KATNAL2: variants seen among roughly 807,000 people sequenced by gnomAD.
KATNAL2 encodes katanin p60 ATPase-containing subunit A-like 2.
Under a neutral mutation model 76.3 loss-of-function variants are expected in KATNAL2, and 52 were observed. The ratio of observed to expected loss-of-function variants is 0.68; its 90% CI spans 0.55 to 0.86. The LOEUF is 0.86. Among genes scored for constraint, KATNAL2 ranks in the 40% least tolerant of loss-of-function variants. The probability of loss-of-function intolerance (pLI) is 0.00; values close to 1 mark genes in which losing one functional copy is unlikely to be tolerated. For missense variants in KATNAL2, 660 were observed against 668.9 expected (o/e 0.99, Z 0.15); for synonymous variants, 243 against 244.2 (o/e 1.00, Z 0.05).
At chr18:47,059,797 C>A (rs966966705) in intron 8 of KATNAL2, 143 bp downstream of exon 8, 6 of 617,646 alleles carry the variant, frequency 9.7e-6, no homozygotes, top group Non-Finnish European at 1.7e-5. Context: ...TGGAGAAGAG[C>A]GTCAGAAAAT....
intron 1 of KATNAL2, among the ~76,000 whole-genome samples, chr18:46,923,569 T>C (rs2058638675): frequency 6.6e-6 from 1 of 152,172 alleles, no homozygotes; most frequent in South Asian, 2.1e-4. Flanking sequence ...GCATGATTTA[T>C]AATCCTTTGG....
rs1437269430 is a variant in KATNAL2, at chr18:47,101,796, A to G, written c.*791A>G. On this transcript the variant is annotated 3_prime_UTR_variant, in exon 18 of 18. Coordinates refer to ENST00000683218, the MANE Select transcript of KATNAL2 (RefSeq NM_001387690.1). ...GATGGGGCACCTAAGCTTCGAGAAC[A>G]TTCATCCCAAGTCTTCCCTGCTCTT... 1.3e-5 allele frequency: 2 copies of G among 152,216 alleles called. No individual in the cohort carries two copies. Among genetic ancestry groups the G allele is most frequent in the Non-Finnish European group, 2.9e-5 (2 of 68,094 alleles). The allele number at this position is 152,216 out of a possible 1,614,324, so 9.4% of individuals were successfully genotyped here.
At chr18:47,031,012 T>G (rs2437855) in intron 3 of KATNAL2, among the ~76,000 whole-genome samples, 4 of 6,628 alleles carry the variant, frequency 6.0e-4, no homozygotes, top group South Asian at 0.024. Context: ...CTCTAGCATC[T>G]CCCCCCCCCC....
intron 6 of KATNAL2, 124 bp from the exon 7 acceptor site, chr18:47,058,111 T>C (rs1777967248): frequency 1.5e-5 from 11 of 712,566 alleles, no homozygotes; most frequent in Non-Finnish European, 2.7e-5. Flanking sequence ...AAGGGCCCTA[T>C]AGTTGCCACC....
chr18:46,961,892 G>A (rs2059978037), intron 3 of KATNAL2, among the ~76,000 whole-genome samples: 1 of 152,218 alleles, frequency 6.6e-6, no homozygotes, highest in Non-Finnish European at 1.5e-5. Flanking sequence ...TGATATGATT[G>A]AGAATGTAGA....
At chr18:47,058,011 G>C (rs1437934655) in intron 6 of KATNAL2, among the ~76,000 whole-genome samples, 1 of 152,190 alleles carries the variant, frequency 6.6e-6, no homozygotes, top group Admixed American at 6.5e-5. Context: ...TGAGTTGGGG[G>C]GCTCGAGGAG....
intron 3 of KATNAL2, among the ~76,000 whole-genome samples, chr18:46,966,313 G>A (rs2060134982): frequency 9.5e-6 from 1 of 105,308 alleles, no homozygotes; most frequent in African/African-American, 3.5e-5. Flanking sequence ...GGTTGATGCT[G>A]AATTCTATCT....
At chr18:47,088,795 A>G (rs2147347361) in intron 15 of KATNAL2, among the ~76,000 whole-genome samples, 1 of 152,338 alleles carries the variant, frequency 6.6e-6, no homozygotes, top group East Asian at 1.9e-4. Context: ...GGATTCTTGC[A>G]TGGGTCCCTC....
rs1164094250 is a variant in KATNAL2 at position 47,063,072 on chromosome 18, T to G, written c.648+2T>G. 6.2e-7 allele frequency: 1 copy of G among 1,612,540 alleles called. No individual in the cohort carries two copies. The highest frequency in any genetic ancestry group is 8.5e-7 in the Non-Finnish European group (1 of 1,178,618). ...TTCGACCATAATCCAGACCCCTCAG[T>G]AAGTGGCGAAGATGTGACATTCATC... On this transcript the variant is annotated splice_donor_variant, in intron 9 of 17. Transcript: ENST00000683218. LOFTEE classifies it high-confidence loss of function.
At chr18:47,078,373 A>G (rs1321756565) in intron 15 of KATNAL2, among the ~76,000 whole-genome samples, 1 of 152,188 alleles carries the variant, frequency 6.6e-6, no homozygotes, top group Non-Finnish European at 1.5e-5. Context: ...TGTTATTTTA[A>G]ATATACTCAT....
rs1472483563 is a variant in KATNAL2, at chr18:47,034,387, C to T, written c.52-12070C>T. 9.3e-6 allele frequency: 15 copies of T among 1,613,932 alleles called. No individual in the cohort carries two copies. Among genetic ancestry groups the T allele is most frequent in the African/African-American group, 4.0e-5 (3 of 74,952 alleles). On this transcript the variant is annotated intron_variant, in intron 3 of 17. Transcript: ENST00000683218. Reference sequence around the variant, plus strand: ...TGGAGCCTCCTCCAAGGCAGGGACACGCTGGCCGCTGCCAGCTTGCCCCCC... The same window carrying T: ...TGGAGCCTCCTCCAAGGCAGGGACATGCTGGCCGCTGCCAGCTTGCCCCCC...
rs540607552 is a variant in KATNAL2, at chr18:46,919,000, T to C, written c.-510+1074T>C. ...TGATATATATGTGTGTGCGTGTATA[T>C]ATATATATGTGTGTGTGTGTGTGTG... On this transcript the variant is annotated intron_variant, in intron 1 of 17. Coordinates refer to ENST00000683218, the MANE Select transcript of KATNAL2 (RefSeq NM_001387690.1). 8.2e-4 allele frequency among the ~76,000 whole-genome samples: 120 copies of C among 145,654 alleles called. 1 individual carries two copies. Among genetic ancestry groups the C allele is most frequent in the African/African-American group, 3.2e-3 (116 of 36,720 alleles).
intron 15 of KATNAL2, among the ~76,000 whole-genome samples, chr18:47,086,230 TG>T (rs1456339924): frequency 6.6e-6 from 1 of 152,234 alleles, no homozygotes. Flanking sequence ...GAAAACCTTT[TG>T]GAAGACATTA....
chr18:47,034,777 G>T, intron 3 of KATNAL2: 1 of 1,612,604 alleles, frequency 6.2e-7, no homozygotes, highest in Middle Eastern at 2.0e-4. Context: ...GCCGGAATCA[G>T]CTGGGGCTAT....
At chr18:46,942,392 G>A (rs927454588) in intron 1 of KATNAL2, among the ~76,000 whole-genome samples, 9 of 152,132 alleles carry the variant, frequency 5.9e-5, no homozygotes, top group African/African-American at 1.9e-4. Flanking sequence ...CGAGGTGGGC[G>A]GATCACGAGG....
chr18:47,085,972 A>G (rs571163458), intron 15 of KATNAL2, among the ~76,000 whole-genome samples: 4 of 152,126 alleles, frequency 2.6e-5, no homozygotes, highest in Admixed American at 2.0e-4. Context: ...GTGTGCCTAT[A>G]GTCCCAGCCA....
intron 3 of KATNAL2, among the ~76,000 whole-genome samples, chr18:46,957,481 A>G (rs554535872): frequency 1.3e-5 from 2 of 148,994 alleles, no homozygotes; most frequent in African/African-American, 2.5e-5. Flanking sequence ...GTCTCCATCT[A>G]CTGAACTCGT....
chr18:47,053,533 T>C (rs182177429), intron 5 of KATNAL2, among the ~76,000 whole-genome samples: 1 of 152,282 alleles, frequency 6.6e-6, no homozygotes, highest in African/African-American at 2.4e-5. Context: ...AAACCCAGTA[T>C]AGGTTAGCAG....
chr18:47,040,317 A>G (rs1378739540), intron 3 of KATNAL2, among the ~76,000 whole-genome samples: 1 of 152,232 alleles, frequency 6.6e-6, no homozygotes, highest in Non-Finnish European at 1.5e-5. Context: ...AGTTTGGCCC[A>G]CAGGTTTTGG....
Sources: allele counts gnomAD v4.1 joint callset (sites outside exome capture counted in the v4.1 genomes callset), GRCh38; gene constraint gnomAD v4.1.1; transcripts MANE v1.5; gene names NCBI Gene and HGNC (gene_info 2026-07-23, HGNC 2026-07-21).